CDH12: variants seen among roughly 807,000 people sequenced by gnomAD.
CDH12 encodes cadherin-12.
Under a neutral mutation model 74.1 loss-of-function variants are expected in CDH12, and 41 were observed. That is an observed-to-expected ratio of 0.55 (90% confidence interval 0.43 to 0.72). The LOEUF (loss-of-function observed/expected upper bound fraction) is 0.72. Among genes scored for constraint, CDH12 ranks in the 30% least tolerant of loss-of-function variants. The pLI is 0.00. For synonymous variants in CDH12, 399 were observed against 355.0 expected, an observed-to-expected ratio of 1.12 and a Z score of -1.39; for missense variants, 945 against 977.2, an observed-to-expected ratio of 0.97 and a Z score of 0.44.
chr5:21,900,357 A>C (rs1479819615), intron 6 of CDH12, among the ~76,000 whole-genome samples: 2 of 152,220 alleles, frequency 1.3e-5, no homozygotes, highest in Admixed American at 1.3e-4. Context: ...TCTAACGATA[A>C]CCAGTTATTA....
chr5:21,815,322 T>C (rs1747981394), intron 9 of CDH12, among the ~76,000 whole-genome samples: 1 of 152,058 alleles, frequency 6.6e-6, no homozygotes, highest in Admixed American at 6.6e-5. Flanking sequence ...ATGGAGTGTG[T>C]TTTGTAGAAG....
At chr5:22,692,140 G>C (rs1742116752) in intron 1 of CDH12, among the ~76,000 whole-genome samples, 1 of 152,116 alleles carries the variant, frequency 6.6e-6, no homozygotes, top group African/African-American at 2.4e-5. Flanking sequence ...TGCTCTATTA[G>C]TTCCTACAAT....
chr5:22,429,933 T>C (rs1383656393), intron 2 of CDH12, among the ~76,000 whole-genome samples: 2 of 152,226 alleles, frequency 1.3e-5, no homozygotes, highest in African/African-American at 4.8e-5. Context: ...GATGGCCATA[T>C]AATTAGATAT....
chr5:21,844,509 A>C (rs1204497114), intron 7 of CDH12, among the ~76,000 whole-genome samples: 1 of 152,196 alleles, frequency 6.6e-6, no homozygotes, highest in Non-Finnish European at 1.5e-5. Flanking sequence ...TCTACATACT[A>C]TCCAGTTGGT....
intron 1 of CDH12, among the ~76,000 whole-genome samples, chr5:22,674,169 C>A (rs962991684): frequency 2.0e-5 from 3 of 152,176 alleles, no homozygotes; most frequent in South Asian, 2.1e-4. Context: ...AATAAGACTT[C>A]ATATGGTTTG....
At chr5:21,918,594 G>A (rs887969158) in intron 6 of CDH12, among the ~76,000 whole-genome samples, 2 of 151,980 alleles carry the variant, frequency 1.3e-5, no homozygotes, top group African/African-American at 2.4e-5. Context: ...TGCAAGCAGA[G>A]GAAATGGCCG....
At chr5:22,578,499 CTT>C (rs1377454218) in intron 1 of CDH12, among the ~76,000 whole-genome samples, 3 of 152,066 alleles carry the variant, frequency 2.0e-5, no homozygotes, top group Non-Finnish European at 2.9e-5. Flanking sequence ...AAGCATCACT[CTT>C]TTGTAGAATA....
intron 5 of CDH12, among the ~76,000 whole-genome samples, chr5:22,046,458 G>C (rs1210369237): frequency 8.0e-6 from 1 of 124,742 alleles, no homozygotes; most frequent in Non-Finnish European, 1.5e-5. Flanking sequence ...TTTTTGAGAC[G>C]GAGTCTCGCT....
intron 1 of CDH12, among the ~76,000 whole-genome samples, chr5:22,527,391 T>C (rs1208382896): frequency 6.6e-6 from 1 of 152,158 alleles, no homozygotes; most frequent in Non-Finnish European, 1.5e-5. Context: ...TTGCTGCTTT[T>C]AAAGTTCTAC....
At chr5:22,753,009 G>T (rs1200983722) in intron 1 of CDH12, among the ~76,000 whole-genome samples, 2 of 152,070 alleles carry the variant, frequency 1.3e-5, no homozygotes, top group Non-Finnish European at 2.9e-5. Context: ...GAATAGAGAC[G>T]TAGGGAAGGC....
intron 3 of CDH12, among the ~76,000 whole-genome samples, chr5:22,389,217 G>T (rs1468875196): frequency 1.3e-5 from 2 of 152,128 alleles, no homozygotes; most frequent in Non-Finnish European, 2.9e-5. Context: ...AGCTTTTGGG[G>T]TGGACTTAAT....
chr5:22,804,869 C>T (rs1459491120), intron 1 of CDH12, among the ~76,000 whole-genome samples: 1 of 152,092 alleles, frequency 6.6e-6, no homozygotes, highest in Non-Finnish European at 1.5e-5. Flanking sequence ...ACTTTAAGAG[C>T]CATTGAGTTT....
chr5:22,130,220 G>A (rs1291249337), intron 4 of CDH12, among the ~76,000 whole-genome samples: 1 of 150,736 alleles, frequency 6.6e-6, no homozygotes, highest in Non-Finnish European at 1.5e-5. Flanking sequence ...ACAAAAAGAT[G>A]ATGGAAAGGC....
In CDH12 at chr5:22,149,016, G is replaced by A. The variant is rs189286815; in HGVS notation, c.-187+63482C>T. ...ACCTGCAATCCCAGCTACTGGGGAG[G>A]CTGAGGCAGGAGAATGGCTTGAACC... is the stretch of plus-strand genomic sequence containing the variant. On this transcript the variant is annotated intron_variant, in intron 4 of 14. Coordinates refer to ENST00000382254, the MANE Select transcript of CDH12 (RefSeq NM_004061.5). 5.2e-4 allele frequency among the ~76,000 whole-genome samples: 79 copies of A among 152,260 alleles called. 4 individuals carry two copies. The East Asian group carries it at 0.014, about 27-fold the overall frequency.
intron 11 of CDH12, among the ~76,000 whole-genome samples, chr5:21,778,466 C>CAAAAAAAAAGAAAAAAAAAAAA (rs1745718479): frequency 1.9e-5 from 1 of 52,614 alleles, no homozygotes; most frequent in Non-Finnish European, 3.1e-5. Flanking sequence ...GCATATAAGC[C>CAAAAAAAAAGAAAAAAAAAAAA]AAAAAAAAAA....
intron 6 of CDH12, among the ~76,000 whole-genome samples, chr5:21,943,850 TA>T (rs1291042882): frequency 6.6e-6 from 1 of 152,146 alleles, no homozygotes; most frequent in Non-Finnish European, 1.5e-5. Flanking sequence ...AAAAATTATT[TA>T]AAACTTGACA....
chr5:21,931,055 A>C (rs1196171317), intron 6 of CDH12, among the ~76,000 whole-genome samples: 1 of 152,172 alleles, frequency 6.6e-6, no homozygotes, highest in Non-Finnish European at 1.5e-5. Flanking sequence ...GTTAATGTTA[A>C]TACATAGGCA....
At chr5:21,820,192 G>A (rs1406837624) in intron 8 of CDH12, among the ~76,000 whole-genome samples, 4 of 151,832 alleles carry the variant, frequency 2.6e-5, no homozygotes, top group East Asian at 1.9e-4. Context: ...GCTGAGATAC[G>A]AACTTTATGT....
intron 4 of CDH12, among the ~76,000 whole-genome samples, chr5:22,125,172 C>G (rs1415604550): frequency 6.6e-6 from 1 of 151,748 alleles, no homozygotes; most frequent in Admixed American, 6.6e-5. Context: ...ATACATGTAC[C>G]ATGGTGGTTT....
Sources: allele counts gnomAD v4.1 joint callset (sites outside exome capture counted in the v4.1 genomes callset), GRCh38; gene constraint gnomAD v4.1.1; transcripts MANE v1.5; gene names NCBI Gene and HGNC (gene_info 2026-07-23, HGNC 2026-07-21).